Variants in AXDND1 observed in about 807,000 individuals in gnomAD.
AXDND1 encodes axonemal dynein light chain domain-containing protein 1.
In AXDND1, 110 loss-of-function variants were observed where a neutral mutation model predicts 137.5. That is an observed-to-expected ratio of 0.80 (90% CI 0.69 to 0.94). The LOEUF is 0.94. Ranked by LOEUF, AXDND1 falls within the 40% of genes least tolerant of loss-of-function variation. AXDND1 has a pLI of 0.00. For missense variants in AXDND1, 1,191 were observed against 1,169.8 expected (o/e 1.02, Z -0.26); for synonymous variants, 414 against 399.7 (o/e 1.04, Z -0.43).
intron 14 of AXDND1, 23 bp from the exon 15 acceptor site, chr1:179,432,244 C>T: frequency 1.5e-6 from 2 of 1,321,558 alleles, no homozygotes; most frequent in South Asian, 1.5e-5. Context: ...AGATGTTTCT[C>T]TTTTTTTTTT....
intron 15 of AXDND1, among the ~76,000 whole-genome samples, chr1:179,442,148 T>C (rs1659078244): frequency 6.6e-6 from 1 of 152,092 alleles, no homozygotes; most frequent in African/African-American, 2.4e-5. Flanking sequence ...CAGCGTAAAA[T>C]TCTTTGTATT....
chr1:179,397,617 A>AT (rs1558120432), intron 11 of AXDND1, among the ~76,000 whole-genome samples: 1 of 152,214 alleles, frequency 6.6e-6, no homozygotes. Flanking sequence ...TCTTTCAGGG[A>AT]CATCAATGAG....
chr1:179,428,875 G>A (rs766451956), intron 12 of AXDND1, among the ~76,000 whole-genome samples: 20 of 152,230 alleles, frequency 1.3e-4, no homozygotes, highest in East Asian at 7.7e-4. Context: ...ACAAATACAC[G>A]TGTTAAATCT....
chr1:179,379,257 C>A, intron 5 of AXDND1, 140 bp from the exon 6 acceptor site: 1 of 818,224 alleles, frequency 1.2e-6, no homozygotes, highest in Non-Finnish European at 1.9e-6. Context: ...ACCCACATTG[C>A]TAATATTGTT....
At chr1:179,487,327 C>T (rs7535800) in intron 18 of AXDND1, among the ~76,000 whole-genome samples, 73,668 of 147,434 alleles carry the variant, frequency 0.5, 21,664 homozygotes, top group East Asian at 0.76. Context: ...TATGTACCTC[C>T]ATTAGCAAAA....
At chr1:179,419,968 C>T (rs1451508524) in intron 12 of AXDND1, among the ~76,000 whole-genome samples, 1 of 151,926 alleles carries the variant, frequency 6.6e-6, no homozygotes, top group Non-Finnish European at 1.5e-5. Context: ...TTGCTCTGTC[C>T]AGGACTTCCA....
In AXDND1 at chr1:179,492,857, G is replaced by C; in HGVS notation, c.2294G>C (p.Cys765Ser). ...TCTTTTTTTCCCCCTTTTTGCAGTT[G>C]TTGCAAAGGGATGGTAACAGCAATG... ...LYQYSSYLSS[C>S]CKGMVTAMAL... Residue 765 changes from cysteine to serine, a missense_variant and splice_region_variant, in exon 20 of 26, where the codon TGT (cysteine) becomes TCT (serine). Physicochemically the swap from Cys to Ser is moderately radical, Grantham distance 112. Transcript: ENST00000367618. The C allele has an allele frequency of 6.3e-7, 1 of 1,589,156 alleles. No homozygotes were observed. The highest frequency in any genetic ancestry group is 8.5e-7 in the Non-Finnish European group (1 of 1,170,838).
At chr1:179,433,031 G>A (rs1377901013) in intron 15 of AXDND1, among the ~76,000 whole-genome samples, 1 of 152,100 alleles carries the variant, frequency 6.6e-6, no homozygotes. Flanking sequence ...AAGTTAGGCT[G>A]CTAGAAAAGA....
At chr1:179,415,185 T>TA (rs1654510349) in intron 12 of AXDND1, among the ~76,000 whole-genome samples, 1 of 151,998 alleles carries the variant, frequency 6.6e-6, no homozygotes, top group African/African-American at 2.4e-5. Flanking sequence ...CTACTAAAAA[T>TA]ACAAAAATTC....
chr1:179,463,316 G>A (rs1051614214), intron 16 of AXDND1, among the ~76,000 whole-genome samples: 1 of 152,144 alleles, frequency 6.6e-6, no homozygotes, highest in Non-Finnish European at 1.5e-5. Flanking sequence ...CTGGTATGTT[G>A]TGTCTTTGTT....
At chr1:179,374,591 A>G (rs1352478678) in intron 4 of AXDND1, among the ~76,000 whole-genome samples, 1 of 152,196 alleles carries the variant, frequency 6.6e-6, no homozygotes, top group Non-Finnish European at 1.5e-5. Flanking sequence ...TCCATCAGTG[A>G]TAGACTGGAT....
intron 13 of AXDND1, among the ~76,000 whole-genome samples, chr1:179,429,965 A>G (rs2125307938): frequency 6.7e-6 from 1 of 148,938 alleles, no homozygotes; most frequent in East Asian, 1.9e-4. Flanking sequence ...CTAGATAGAA[A>G]AGGAGGGCAT....
chr1:179,400,919 A>G (rs1198775161), intron 11 of AXDND1, among the ~76,000 whole-genome samples: 1,793 of 148,228 alleles, frequency 0.012, 10 homozygotes, highest in Non-Finnish European at 0.02. Flanking sequence ...AAAAAAAAAA[A>G]AAAAAAAAGA....
chr1:179,453,583 C>A (rs1660859500), intron 16 of AXDND1: 1 of 152,272 alleles, frequency 6.6e-6, no homozygotes, highest in Non-Finnish European at 1.5e-5. Context: ...GGCGGATCAC[C>A]TGAGGTCAGG....
rs376935347 is a variant in AXDND1, at chr1:179,536,012, A to G, written c.3031+1050A>G. Among the ~76,000 whole-genome samples, 56 of 152,174 alleles carry G rather than the reference A, an allele frequency of 3.7e-4. No homozygotes were observed. The East Asian group carries it at 4.4e-3, about 12-fold the overall frequency. On this transcript the variant is annotated intron_variant, in intron 25 of 25. Transcript: ENST00000367618. Reference sequence around the variant, plus strand: ...TTTTCATGTGTCTGTTGGCTGCATAAATGTCTTCTTTTGAGAAGTGTCTGT... The same window carrying G: ...TTTTCATGTGTCTGTTGGCTGCATAGATGTCTTCTTTTGAGAAGTGTCTGT...
chr1:179,508,457 C>A (rs1163140352), intron 20 of AXDND1, among the ~76,000 whole-genome samples: 1 of 152,116 alleles, frequency 6.6e-6, no homozygotes. Flanking sequence ...GCTAGAGTGA[C>A]CAGATCTCTG....
chr1:179,429,881 A>G (rs990420599), intron 13 of AXDND1, among the ~76,000 whole-genome samples: 11 of 150,706 alleles, frequency 7.3e-5, no homozygotes, highest in African/African-American at 2.7e-4. Context: ...TCATGGTTAA[A>G]GTAAAAAAAG....
At chr1:179,488,671 C>CTTTCT (rs1666451301) in intron 18 of AXDND1, among the ~76,000 whole-genome samples, 1 of 128,428 alleles carries the variant, frequency 7.8e-6, no homozygotes, top group African/African-American at 3.3e-5. Context: ...TTCTTTCTTT[C>CTTTCT]TTTCTTTCTT....
chr1:179,531,056 A>G (rs1476321815), intron 23 of AXDND1, among the ~76,000 whole-genome samples: 3 of 152,158 alleles, frequency 2.0e-5, no homozygotes, highest in Non-Finnish European at 4.4e-5. Context: ...GCAGGGGGCC[A>G]GGGTATGGGT....
Sources: allele counts gnomAD v4.1 joint callset (sites outside exome capture counted in the v4.1 genomes callset), GRCh38; gene constraint gnomAD v4.1.1; transcripts MANE v1.5; gene names NCBI Gene and HGNC (gene_info 2026-07-23, HGNC 2026-07-21).